The following MKLN1 variants were observed in gnomAD, a reference collection of about 807,000 sequenced individuals.
The protein encoded by MKLN1 is muskelin.
MKLN1 carries 18 observed loss-of-function variants against 99.0 expected under a neutral mutation model. The observed-to-expected ratio is 0.18, with a 90% CI of 0.13 to 0.27. MKLN1 has a LOEUF of 0.27. MKLN1 is among the 10% of genes least tolerant of loss of function. The pLI is 1.00. For missense variants in MKLN1, 621 were observed against 875.9 expected, an observed-to-expected ratio of 0.71 and a Z score of 3.67; for synonymous variants, 288 against 293.2, an observed-to-expected ratio of 0.98 and a Z score of 0.18.
In MKLN1 at chr7:131,463,224, G is replaced by T; in HGVS notation, c.1533G>T (p.Met511Ile). The change falls in exon 13 of 18, where the codon ATG (methionine) becomes ATT (isoleucine). Residue 511 changes from methionine to isoleucine, a missense_variant. This residue lies in a region of MKLN1 where 361 missense variants were observed against 540.8 expected (regional missense o/e 0.67). Coordinates refer to ENST00000352689, the MANE Select transcript of MKLN1 (RefSeq NM_013255.5). Reference protein sequence around the residue: ...GTKKDSGMVPMTGFTQRATID... With the variant: ...GTKKDSGMVPITGFTQRATID... ...TTTTTCTTTAATTTGTAGTTCCAAT[G>T]ACAGGATTTACACAGAGAGCAACTA... 2 of 1,609,122 alleles carry T rather than the reference G, an allele frequency of 1.2e-6. No individual in the cohort carries two copies. The highest frequency in any genetic ancestry group is 2.2e-5 in the South Asian group (2 of 90,398).
chr7:131,483,961 C>T lies in MKLN1; in HGVS notation c.2087-3646C>T, dbSNP rs184771019. Among the ~76,000 whole-genome samples the T allele has an allele frequency of 5.3e-5, 8 of 152,236 alleles. No homozygotes were observed. In the East Asian group the frequency reaches 5.8e-4, roughly 11 times the overall value. On this transcript the variant is annotated intron_variant, in intron 17 of 17. Coordinates refer to ENST00000352689, the MANE Select transcript of MKLN1 (RefSeq NM_013255.5). ...AAATGATCAAGATCAACTGTATATA[C>T]GCATGCATACACTCATATAAATATA...
chr7:131,355,463 A>G (rs142236523), intron 1 of MKLN1, among the ~76,000 whole-genome samples: 7 of 151,806 alleles, frequency 4.6e-5, no homozygotes, highest in Non-Finnish European at 1.0e-4. Flanking sequence ...ATATATGTAT[A>G]TATCAGGACT....
At chr7:131,343,065 A>G (rs1156738344) in intron 1 of MKLN1, among the ~76,000 whole-genome samples, 1 of 152,252 alleles carries the variant, frequency 6.6e-6, no homozygotes. Context: ...TGCAGAACTG[A>G]AATTCAGAGA....
At chr7:131,287,207 G>A (rs1201014180) in intron 3 of MKLN1, among the ~76,000 whole-genome samples, 1 of 152,236 alleles carries the variant, frequency 6.6e-6, no homozygotes, top group Non-Finnish European at 1.5e-5. Context: ...GAGATGAACA[G>A]GTTTTGTGCT....
chr7:131,376,499 G>C (rs1473365603), intron 2 of MKLN1, among the ~76,000 whole-genome samples: 1 of 151,336 alleles, frequency 6.6e-6, no homozygotes, highest in Non-Finnish European at 1.5e-5. Flanking sequence ...AAAATTAGCT[G>C]GGTGTGGTGG....
chr7:131,124,348 C>G (rs1018580970), intron 1 of MKLN1, among the ~76,000 whole-genome samples: 1 of 152,084 alleles, frequency 6.6e-6, no homozygotes, highest in Non-Finnish European at 1.5e-5. Context: ...AACACCTGGC[C>G]GAGAACATTT....
intron 5 of MKLN1, among the ~76,000 whole-genome samples, chr7:131,398,789 C>G (rs1184117793): frequency 6.6e-6 from 1 of 151,962 alleles, no homozygotes; most frequent in Non-Finnish European, 1.5e-5. Flanking sequence ...ATACTTGATA[C>G]TTGTCATTCA....
At chr7:131,330,633 A>T (rs943850466) in intron 1 of MKLN1, among the ~76,000 whole-genome samples, 1 of 152,194 alleles carries the variant, frequency 6.6e-6, no homozygotes, top group Non-Finnish European at 1.5e-5. Context: ...ACAAAGGTAT[A>T]TATAGTACAG....
chr7:131,335,017 C>T lies in MKLN1; in HGVS notation c.98+7020C>T, dbSNP rs952844743. ...TTGATCCGGGTATCTTCTCTGCTAC[C>T]GGATTTCCCAGGGCTTGTTTTGTGA... is the stretch of plus-strand genomic sequence containing the variant. On this transcript the variant is annotated intron_variant, in intron 1 of 17. Coordinates refer to ENST00000352689, the MANE Select transcript of MKLN1 (RefSeq NM_013255.5). Among the ~76,000 whole-genome samples, 29 of 152,092 alleles carry T rather than the reference C, an allele frequency of 1.9e-4. 1 individual carries two copies. Among genetic ancestry groups the T allele is most frequent in the Admixed American group, 4.6e-4 (7 of 15,280 alleles).
intron 9 of MKLN1, among the ~76,000 whole-genome samples, chr7:131,433,772 A>C (rs899908426): frequency 3.3e-5 from 5 of 152,186 alleles, no homozygotes; most frequent in Non-Finnish European, 5.9e-5. Context: ...GTCAGGTAAT[A>C]TATAAATTTT....
intron 2 of MKLN1, among the ~76,000 whole-genome samples, chr7:131,191,997 G>A (rs1426538781): frequency 2.1e-5 from 3 of 145,714 alleles, no homozygotes; most frequent in Non-Finnish European, 4.5e-5. Flanking sequence ...TAGGATTATA[G>A]GTATGAGCCA....
chr7:131,248,430 TG>T lies in MKLN1; in HGVS notation c.-179+45457del, dbSNP rs536789743. On this transcript the variant is annotated intron_variant, in intron 3 of 7. Transcript: ENST00000416992. Reference sequence around the variant, plus strand: ...GAAATTGCCTTATGGGTTCTTATACTGAGCATAGATGCAACAACAAAAAAGT... The same window carrying T: ...GAAATTGCCTTATGGGTTCTTATACTAGCATAGATGCAACAACAAAAAAGT... Among the ~76,000 whole-genome samples, 12 of 152,288 alleles carry T rather than the reference TG, an allele frequency of 7.9e-5. No individual in the cohort carries two copies. In the South Asian group the frequency reaches 2.5e-3, roughly 32 times the overall value.
At chr7:131,439,913 CACACAG>C (rs1795789356) in intron 10 of MKLN1, among the ~76,000 whole-genome samples, 1 of 137,672 alleles carries the variant, frequency 7.3e-6, no homozygotes, top group Non-Finnish European at 1.6e-5. Context: ...CACACACACA[CACACAG>C]TCTCTCTCTC....
intron 10 of MKLN1, 112 bp from the exon 11 acceptor site, chr7:131,443,369 G>A (rs998810374): frequency 2.7e-6 from 2 of 728,326 alleles, no homozygotes; most frequent in African/African-American, 1.8e-5. Flanking sequence ...GTGTCATTAG[G>A]GACAAAGTTT....
chr7:131,342,695 G>A (rs1163152789), intron 1 of MKLN1, among the ~76,000 whole-genome samples: 1 of 152,122 alleles, frequency 6.6e-6, no homozygotes, highest in East Asian at 1.9e-4. Context: ...TAACAAAATA[G>A]TTTCTTCCAG....
intron 3 of MKLN1, among the ~76,000 whole-genome samples, chr7:131,255,337 A>G (rs1797642539): frequency 6.6e-6 from 1 of 152,246 alleles, no homozygotes; most frequent in Admixed American, 6.5e-5. Flanking sequence ...ACCCAGACAC[A>G]TCAGAGTAAA....
chr7:131,273,773 G>C (rs1253368808), intron 3 of MKLN1, among the ~76,000 whole-genome samples: 1 of 151,838 alleles, frequency 6.6e-6, no homozygotes, highest in Non-Finnish European at 1.5e-5. Context: ...TACAGCGTGT[G>C]CCACCATGTC....
rs564068878 is a variant in MKLN1 at position 131,218,110 on chromosome 7, G to A, written c.-179+15136G>A. On this transcript the variant is annotated intron_variant, in intron 3 of 7. Coordinates refer to the MKLN1 transcript ENST00000416992. ...GGGCTTGAAAGTGTTTTCTTGCACT[G>A]AGTCAGTTCTCGGGTGCAGGTTATG... Among the ~76,000 whole-genome samples, 8 of 152,304 alleles carry A rather than the reference G, an allele frequency of 5.3e-5. No homozygotes were observed. The South Asian group carries it at 1.7e-3, about 32-fold the overall frequency.
rs1335180753 is a variant in MKLN1 at position 131,488,195 on chromosome 7, G to C, written c.*467G>C. The C allele has an allele frequency of 1.3e-5, 2 of 151,776 alleles. No individual in the cohort carries two copies. Among genetic ancestry groups the C allele is most frequent in the Non-Finnish European group, 2.9e-5 (2 of 68,004 alleles). 9.4% of individuals were successfully genotyped at this position (151,776 alleles called of 1,614,324 possible). On this transcript the variant is annotated 3_prime_UTR_variant, in exon 18 of 18. Transcript: ENST00000352689. ...ACTTTGCCTCCCATCACACAACTGCGTGTAAATGGTGTCACTTGTTCACCT... is the reference window on the plus strand; with the variant it reads ...ACTTTGCCTCCCATCACACAACTGCCTGTAAATGGTGTCACTTGTTCACCT...
Sources: allele counts gnomAD v4.1 joint callset (sites outside exome capture counted in the v4.1 genomes callset), GRCh38; gene constraint gnomAD v4.1.1; regional missense constraint gnomAD v4.1.1; transcripts MANE v1.5; gene names NCBI Gene and HGNC (gene_info 2026-07-23, HGNC 2026-07-21).